SLC4A10: variants seen among roughly 807,000 people sequenced by gnomAD.
The protein encoded by SLC4A10 is solute carrier family 4 member 10.
Under a neutral mutation model 137.7 loss-of-function variants are expected in SLC4A10, and 42 were observed. That is an observed-to-expected ratio of 0.30 (90% CI 0.24 to 0.39). The LOEUF (loss-of-function observed/expected upper bound fraction) is 0.39, where lower values mean the gene tolerates loss of function less well. Ranked by LOEUF, SLC4A10 falls within the 10% of genes least tolerant of loss-of-function variation. SLC4A10 has a pLI of 1.00. For synonymous variants in SLC4A10, 474 were observed against 464.1 expected, an observed-to-expected ratio of 1.02 and a Z score of -0.27; for missense variants, 925 against 1,355.0, an observed-to-expected ratio of 0.68 and a Z score of 4.98.
intron 2 of SLC4A10, among the ~76,000 whole-genome samples, chr2:161,802,497 C>G (rs2055480366): frequency 6.6e-6 from 1 of 152,024 alleles, no homozygotes; most frequent in African/African-American, 2.4e-5. Context: ...ACACTATCAG[C>G]CTAAGTGTTA....
At chr2:161,667,941 CAAA>C (rs1423531446) in intron 1 of SLC4A10, among the ~76,000 whole-genome samples, 1 of 151,702 alleles carries the variant, frequency 6.6e-6, no homozygotes, top group Non-Finnish European at 1.5e-5. Context: ...AATGCACAAT[CAAA>C]GAAAAGTATG....
At chr2:161,917,581 A>C (rs1420570781) in intron 15 of SLC4A10, among the ~76,000 whole-genome samples, 2 of 151,690 alleles carry the variant, frequency 1.3e-5, no homozygotes, top group African/African-American at 2.4e-5. Context: ...CTGTCTAAAA[A>C]AAAAAAAAAA....
intron 12 of SLC4A10, chr2:161,902,041 G>A (rs761432039): frequency 8.8e-6 from 4 of 455,872 alleles, no homozygotes; most frequent in South Asian, 1.5e-5. Flanking sequence ...ACCAATATCC[G>A]GTATCTTCGC....
At chr2:161,891,397 C>T (rs2126023294) in intron 10 of SLC4A10, among the ~76,000 whole-genome samples, 1 of 152,242 alleles carries the variant, frequency 6.6e-6, no homozygotes, top group South Asian at 2.1e-4. Context: ...TGTTTTCCAA[C>T]TTGGTCCTAT....
At chr2:161,858,717 T>A (rs914223856) in intron 5 of SLC4A10, among the ~76,000 whole-genome samples, 5 of 152,186 alleles carry the variant, frequency 3.3e-5, no homozygotes, top group Non-Finnish European at 7.3e-5. Flanking sequence ...CTCTGCAGTG[T>A]GTGTATACTT....
chr2:161,954,833 A>G (rs919513562), intron 19 of SLC4A10, among the ~76,000 whole-genome samples: 2 of 152,186 alleles, frequency 1.3e-5, no homozygotes, highest in Admixed American at 6.6e-5. Context: ...TGCAATTCAG[A>G]ATCCCACTGT....
intron 2 of SLC4A10, among the ~76,000 whole-genome samples, chr2:161,782,959 C>T (rs2053216478): frequency 6.6e-6 from 1 of 151,254 alleles, no homozygotes; most frequent in African/African-American, 2.4e-5. Flanking sequence ...TAAAAACTCC[C>T]AAGTATGGAA....
At chr2:161,950,566 T>C in intron 18 of SLC4A10, 121 bp from the exon 19 acceptor site, 1 of 791,062 alleles carries the variant, frequency 1.3e-6, no homozygotes, top group Non-Finnish European at 2.0e-6. Context: ...TATTATTTAT[T>C]ATAGGCCACT....
intron 1 of SLC4A10, among the ~76,000 whole-genome samples, chr2:161,711,352 A>G (rs771286858): frequency 6.6e-6 from 1 of 151,792 alleles, no homozygotes; most frequent in African/African-American, 2.4e-5. Context: ...ATAGGGATAA[A>G]ACTTGGAAAT....
chr2:161,831,282 A>T (rs1328416910), intron 3 of SLC4A10, among the ~76,000 whole-genome samples: 1 of 152,190 alleles, frequency 6.6e-6, no homozygotes, highest in Non-Finnish European at 1.5e-5. Context: ...TATTTCAATA[A>T]CTTATTAATT....
intron 9 of SLC4A10, among the ~76,000 whole-genome samples, chr2:161,880,478 T>C (rs770552642): frequency 3.3e-4 from 51 of 152,256 alleles, no homozygotes; most frequent in Non-Finnish European, 6.8e-4. Context: ...GTTAAGTACC[T>C]ATGTCTGACT....
chr2:161,960,250 G>T (rs1439349070), intron 21 of SLC4A10, among the ~76,000 whole-genome samples: 1 of 151,456 alleles, frequency 6.6e-6, no homozygotes, highest in Non-Finnish European at 1.5e-5. Context: ...TGTAGTCCTA[G>T]CCACTTGGGA....
intron 1 of SLC4A10, among the ~76,000 whole-genome samples, chr2:161,639,192 T>C (rs988705698): frequency 6.6e-6 from 1 of 151,910 alleles, no homozygotes; most frequent in Non-Finnish European, 1.5e-5. Flanking sequence ...GCTGAATCCT[T>C]CCAAACACAT....
At chr2:161,830,413 T>A (rs2058358261) in intron 3 of SLC4A10, among the ~76,000 whole-genome samples, 1 of 152,002 alleles carries the variant, frequency 6.6e-6, no homozygotes, top group Non-Finnish European at 1.5e-5. Flanking sequence ...TAGGCTAAGG[T>A]TACCTTTCAT....
At chr2:161,721,507 T>C (rs989062913) in intron 1 of SLC4A10, among the ~76,000 whole-genome samples, 12 of 152,224 alleles carry the variant, frequency 7.9e-5, no homozygotes, top group African/African-American at 2.9e-4. Flanking sequence ...CTGTTGAATA[T>C]TGGCCCCCAG....
chr2:161,777,416 A>G (rs2052480666), intron 2 of SLC4A10, among the ~76,000 whole-genome samples: 2 of 151,996 alleles, frequency 1.3e-5, no homozygotes, highest in Non-Finnish European at 2.9e-5. Flanking sequence ...TGTCATAGCC[A>G]GGAAATCTTT....
intron 1 of SLC4A10, among the ~76,000 whole-genome samples, chr2:161,747,648 C>T (rs56244837): frequency 2.6e-5 from 4 of 152,272 alleles, no homozygotes; most frequent in East Asian, 1.9e-4. Context: ...CTGTCTCCCC[C>T]ACCTTTTTTT....
At chr2:161,854,901 A>G (rs1426346872) in intron 4 of SLC4A10, 69 bp from the exon 5 acceptor site, 9 of 1,397,544 alleles carry the variant, frequency 6.4e-6, no homozygotes, top group Non-Finnish European at 7.6e-6. Context: ...TCAACCTTTT[A>G]TTTTTGGTAT....
chr2:161,815,964 C>A (rs1403414331), intron 3 of SLC4A10, among the ~76,000 whole-genome samples: 1 of 152,088 alleles, frequency 6.6e-6, no homozygotes, highest in Non-Finnish European at 1.5e-5. Context: ...ATGTTTGGCA[C>A]TTGGTGGTTT....
Sources: gnomAD v4.1 joint callset for allele counts (sites outside exome capture counted in the v4.1 genomes callset) on GRCh38, gnomAD v4.1.1 for gene constraint, MANE v1.5 for transcripts, NCBI Gene and HGNC (gene_info 2026-07-23, HGNC 2026-07-21) for gene names.